The following GOLM1 variants were observed in gnomAD, a reference collection of about 807,000 sequenced individuals.
GOLM1 encodes the protein epididymis luminal protein 46.
Under a neutral mutation model 50.5 loss-of-function variants are expected in GOLM1, and 31 were observed. The ratio of observed to expected loss-of-function variants is 0.61; its 90% confidence interval spans 0.46 to 0.83. The LOEUF (loss-of-function observed/expected upper bound fraction) is 0.83, where lower values mean the gene tolerates loss of function less well. Ranked by LOEUF, GOLM1 falls within the 40% of genes least tolerant of loss-of-function variation. The probability of loss-of-function intolerance (pLI) is 0.00; values close to 1 mark genes in which losing one functional copy is unlikely to be tolerated. For missense variants in GOLM1, 491 were observed against 501.3 expected, an observed-to-expected ratio of 0.98 and a Z score of 0.20; for synonymous variants, 178 against 192.8, an observed-to-expected ratio of 0.92 and a Z score of 0.64.
intron 4 of GOLM1, 49 bp from the exon 5 acceptor site, chr9:86,046,621 T>C (rs777023265): frequency 1.1e-5 from 13 of 1,178,038 alleles, no homozygotes; most frequent in African/African-American, 9.0e-5. Context: ...ACAGCTGTCA[T>C]GCCATTCAGC....
At position 86,033,270 on chromosome 9, in the gene GOLM1, C is replaced by T. The variant is rs753686295; in HGVS notation, c.1129+12G>A. On this transcript the variant is annotated intron_variant, in intron 9 of 9. Transcript: ENST00000388712. The stretch of plus-strand genomic sequence containing the variant: ...AAGGTGACCTCGTCACCGATGTAGG[C>T]CCCATTCTTACCATCTATGTTTCTG... 55 of 1,418,320 alleles carry T rather than the reference C, an allele frequency of 3.9e-5. No individual in the cohort carries two copies. The highest frequency in any genetic ancestry group is 5.1e-5 in the Non-Finnish European group (51 of 1,000,974). The allele number at this position is 1,418,320 out of a possible 1,614,324, so 87.9% of individuals were successfully genotyped here.
intron 1 of GOLM1, among the ~76,000 whole-genome samples, chr9:86,098,016 C>T (rs1159768214): frequency 1.3e-5 from 2 of 152,236 alleles, no homozygotes; most frequent in Middle Eastern, 3.4e-3. Flanking sequence ...AATTTCCTGG[C>T]CCCACCCTCA....
rs543313945 is a variant in GOLM1, at chr9:86,054,709, T to C, written c.310-2118A>G. 2.2e-3 allele frequency among the ~76,000 whole-genome samples: 339 copies of C among 152,152 alleles called. 1 individual carries two copies. Among genetic ancestry groups the C allele is most frequent in the Non-Finnish European group, 2.6e-3 (179 of 67,996 alleles). On this transcript the variant is annotated intron_variant, in intron 3 of 9. Coordinates refer to ENST00000388712, the MANE Select transcript of GOLM1 (RefSeq NM_016548.4). Reference sequence around the variant, plus strand: ...TCTTCAAAGCTACTTGCCAAATTGCTACAAACCCAAGCAGGACACCAACGT... The same window carrying C: ...TCTTCAAAGCTACTTGCCAAATTGCCACAAACCCAAGCAGGACACCAACGT...
intron 1 of GOLM1, among the ~76,000 whole-genome samples, chr9:86,088,786 G>A (rs1835077942): frequency 6.6e-6 from 1 of 151,960 alleles, no homozygotes; most frequent in Non-Finnish European, 1.5e-5. Flanking sequence ...TGTTATGTGT[G>A]AATTTGATCC....
intron 6 of GOLM1, 58 bp from the exon 7 acceptor site, chr9:86,036,565 A>G: frequency 5.7e-6 from 9 of 1,568,946 alleles, no homozygotes; most frequent in African/African-American, 1.4e-5. Context: ...AGAAGCCGTA[A>G]AAGAATCCTA....
intron 3 of GOLM1, among the ~76,000 whole-genome samples, chr9:86,062,400 G>A (rs1443353463): frequency 1.3e-5 from 2 of 151,916 alleles, no homozygotes; most frequent in Non-Finnish European, 2.9e-5. Context: ...GAGAGAGGAT[G>A]GGGAGGAGGG....
Position 86,040,702 on chromosome 9 carries a change from A to G in GOLM1, c.597+37T>C. The G allele has an allele frequency of 1.9e-6, 3 of 1,592,964 alleles. No individual in the cohort carries two copies. The East Asian group carries it at 6.7e-5, about 36-fold the overall frequency. ...AAACAAAATGCCTGAAGATAGGGGT[A>G]CCTTCTAGAAACTCTTGGCAAAAAT... On this transcript the variant is annotated intron_variant, in intron 6 of 9. Transcript: ENST00000388712.
chr9:86,071,066 C>T (rs1276882606), intron 3 of GOLM1, among the ~76,000 whole-genome samples: 1 of 119,520 alleles, frequency 8.4e-6, no homozygotes, highest in Non-Finnish European at 1.7e-5. Flanking sequence ...CATTTACACA[C>T]ATATATACAT....
chr9:86,049,438 T>C (rs1368403367), intron 4 of GOLM1, among the ~76,000 whole-genome samples: 15 of 152,356 alleles, frequency 9.8e-5, no homozygotes, highest in Non-Finnish European at 1.6e-4. Flanking sequence ...GGGGATGGCA[T>C]TGAATCTACA....
At chr9:86,053,881 A>G (rs1484404529) in intron 3 of GOLM1, among the ~76,000 whole-genome samples, 5 of 147,732 alleles carry the variant, frequency 3.4e-5, no homozygotes, top group Non-Finnish European at 7.5e-5. Context: ...ACAACTGCAC[A>G]ACTCTGCACC....
intron 1 of GOLM1, among the ~76,000 whole-genome samples, chr9:86,080,593 C>T (rs1834753813): frequency 6.6e-6 from 1 of 152,156 alleles, no homozygotes; most frequent in Admixed American, 6.5e-5. Flanking sequence ...ACCCTATGGT[C>T]TTTTCAGGTG....
intron 6 of GOLM1, among the ~76,000 whole-genome samples, chr9:86,037,693 T>C (rs1192477759): frequency 1.3e-5 from 2 of 152,150 alleles, no homozygotes; most frequent in Non-Finnish European, 2.9e-5. Context: ...GGACAGAGTG[T>C]AAATCACTGT....
At chr9:86,072,740 T>G (rs1371325944) in intron 3 of GOLM1, among the ~76,000 whole-genome samples, 1 of 152,160 alleles carries the variant, frequency 6.6e-6, no homozygotes, top group Non-Finnish European at 1.5e-5. Flanking sequence ...AATGCATCAT[T>G]ATGAGATTTT....
intron 3 of GOLM1, 78 bp downstream of exon 3, chr9:86,077,334 T>A: frequency 8.4e-7 from 1 of 1,187,246 alleles, no homozygotes; most frequent in Non-Finnish European, 1.3e-6. Context: ...CGCTTGCTCA[T>A]CCTCCCGCCA....
At chr9:86,060,133 A>G (rs1443064400) in intron 3 of GOLM1, among the ~76,000 whole-genome samples, 2 of 152,176 alleles carry the variant, frequency 1.3e-5, no homozygotes, top group African/African-American at 2.4e-5. Flanking sequence ...CATAAAAATT[A>G]TTGAGAAATT....
At chr9:86,054,349 C>A (rs1833920850) in intron 3 of GOLM1, among the ~76,000 whole-genome samples, 1 of 151,402 alleles carries the variant, frequency 6.6e-6, no homozygotes, top group South Asian at 2.1e-4. Context: ...TTCACTGCAA[C>A]CTCCACCTCC....
At chr9:86,035,052 G>GC in intron 8 of GOLM1, 1 of 985,256 alleles carries the variant, frequency 1.0e-6, no homozygotes, top group Non-Finnish European at 1.2e-6. Flanking sequence ...CAAAAATGGG[G>GC]CATGTGGCCT....
chr9:86,036,302 G>C (rs1833143024), intron 7 of GOLM1, 46 bp downstream of exon 7: 1 of 1,600,736 alleles, frequency 6.2e-7, no homozygotes, highest in Non-Finnish European at 8.6e-7. Context: ...TCCTCTGATG[G>C]GGCTCTGGAG....
chr9:86,077,270 C>T lies in GOLM1; in HGVS notation c.309+142G>A. ...CTTGGAGGGGAAAGGGAGAGAATGC[C>T]CAAAGCTTGATCAATAGGCTCTTTC... is the stretch of plus-strand genomic sequence containing the variant. On this transcript the variant is annotated intron_variant, in intron 3 of 9. Transcript: ENST00000388712. 3 of 692,356 alleles carry T rather than the reference C, an allele frequency of 4.3e-6. No individual in the cohort carries two copies. The South Asian group carries it at 5.7e-5, about 13-fold the overall frequency. 42.9% of individuals were successfully genotyped at this position (692,356 alleles called of 1,614,324 possible). A position where few individuals can be genotyped will look rare whatever the true frequency, so the allele number is the denominator to read the frequency against.
Sources: allele counts gnomAD v4.1 joint callset (sites outside exome capture counted in the v4.1 genomes callset), GRCh38; gene constraint gnomAD v4.1.1; transcripts MANE v1.5; gene names NCBI Gene and HGNC (gene_info 2026-07-23, HGNC 2026-07-21).